The following DDX42 variants were observed in gnomAD, a reference collection of about 807,000 sequenced individuals.
DDX42 encodes ATP-dependent RNA helicase DDX42.
Under a neutral mutation model 101.5 loss-of-function variants are expected in DDX42, and 22 were observed. That is an observed-to-expected ratio of 0.22 (90% CI 0.15 to 0.31). The LOEUF (loss-of-function observed/expected upper bound fraction) is 0.31. Ranked by LOEUF, DDX42 falls within the 10% of genes least tolerant of loss-of-function variation. The probability of loss-of-function intolerance (pLI) is 1.00; values close to 1 mark genes in which losing one functional copy is unlikely to be tolerated. For synonymous variants in DDX42, 402 were observed against 401.2 expected, an observed-to-expected ratio of 1.00 and a Z score of -0.02; for missense variants, 849 against 1,199.9, an observed-to-expected ratio of 0.71 and a Z score of 4.32.
chr17:63,798,522 C>T (rs1260242181), intron 4 of DDX42, among the ~76,000 whole-genome samples: 1 of 152,132 alleles, frequency 6.6e-6, no homozygotes, highest in Non-Finnish European at 1.5e-5. Flanking sequence ...TTGAACAACA[C>T]AGGTTTGAAC....
Position 63,811,859 on chromosome 17 carries a change from T to C in DDX42, c.1399-73T>C, listed in dbSNP as rs572281754. On this transcript the variant is annotated intron_variant, in intron 13 of 17. Coordinates refer to ENST00000389924, the MANE Select transcript of DDX42 (RefSeq NM_203499.3). Reference sequence around the variant, plus strand: ...GGTCTTCTCGATGCAGGTAGAAATATAATGCCTAGTCCTTGTTCAGGTGCC... The same window carrying C: ...GGTCTTCTCGATGCAGGTAGAAATACAATGCCTAGTCCTTGTTCAGGTGCC... 25 of 1,594,874 alleles carry C rather than the reference T, an allele frequency of 1.6e-5. No homozygotes were observed. The African/African-American group carries it at 3.0e-4, about 19-fold the overall frequency.
chr17:63,781,608 C>T (rs2039488836), intron 1 of DDX42, among the ~76,000 whole-genome samples: 1 of 152,166 alleles, frequency 6.6e-6, no homozygotes, highest in East Asian at 1.9e-4. Context: ...TCTCCCCTTC[C>T]TTCTTTCCCC....
intron 1 of DDX42, among the ~76,000 whole-genome samples, chr17:63,783,245 A>G (rs2039509907): frequency 6.6e-6 from 1 of 152,194 alleles, no homozygotes. Context: ...ATGAATGCCT[A>G]GCACATCATA....
chr17:63,811,200 C>A, intron 13 of DDX42, 27 bp downstream of exon 13: 1 of 1,507,448 alleles, frequency 6.6e-7, no homozygotes, highest in Non-Finnish European at 9.1e-7. Context: ...CTGGATGGGA[C>A]CTTAATGGGT....
chr17:63,802,239 T>TA (rs1307155501), intron 6 of DDX42, among the ~76,000 whole-genome samples: 2 of 152,222 alleles, frequency 1.3e-5, no homozygotes, highest in Non-Finnish European at 2.9e-5. Flanking sequence ...TAAAAATTAT[T>TA]AAAGTCGTGA....
chr17:63,815,514 T>TGTTCTTTTCTCCC (rs760163876), intron 15 of DDX42, 49 bp from the exon 16 acceptor site: 3 of 1,401,872 alleles, frequency 2.1e-6, no homozygotes, highest in Admixed American at 3.5e-5. Context: ...TCTCTTCTTC[T>TGTTCTTTTCTCCC]GTTCTTTTCT....
At chr17:63,816,817 T>C in intron 16 of DDX42, 51 bp from the exon 17 acceptor site, 1 of 1,483,788 alleles carries the variant, frequency 6.7e-7, no homozygotes, top group Middle Eastern at 1.7e-4. Flanking sequence ...TCTATAGCAG[T>C]GAGCTTTCCT....
chr17:63,777,341 A>C (rs1290668869), intron 1 of DDX42, among the ~76,000 whole-genome samples: 1 of 152,228 alleles, frequency 6.6e-6, no homozygotes, highest in African/African-American at 2.4e-5. Context: ...TATTGAAAAC[A>C]TGCTATAAGA....
At chr17:63,780,864 A>G (rs2039479922) in intron 1 of DDX42, among the ~76,000 whole-genome samples, 1 of 152,152 alleles carries the variant, frequency 6.6e-6, no homozygotes, top group Non-Finnish European at 1.5e-5. Flanking sequence ...TTGGGGGAAG[A>G]GTGAGTTACT....
intron 6 of DDX42, 116 bp downstream of exon 6, chr17:63,800,733 G>C (rs2039752788): frequency 8.4e-6 from 11 of 1,310,662 alleles, no homozygotes; most frequent in Non-Finnish European, 1.0e-5. Flanking sequence ...TATGCATCTT[G>C]TCATCTCTAC....
chr17:63,804,635 T>A, intron 6 of DDX42, among the ~76,000 whole-genome samples: 1 of 152,224 alleles, frequency 6.6e-6, no homozygotes, highest in Non-Finnish European at 1.5e-5. Flanking sequence ...TTCCTTAGTC[T>A]GCTTCAATGT....
Position 63,813,262 on chromosome 17 carries a change from C to G in DDX42, c.1710C>G (p.Val570=). The change falls in exon 15 of 18, where the codon GTC becomes GTG. Residue 570 remains valine (V), a synonymous_variant. Coordinates refer to ENST00000389924, the MANE Select transcript of DDX42 (RefSeq NM_203499.3). ...RGLDIPSIKT[V]INYDVARDID... The stretch of plus-strand genomic sequence containing the variant: ...TGGACATTCCTTCAATTAAGACTGT[C>G]ATTAACTATGATGTGGCACGAGACA... The G allele has an allele frequency of 6.2e-7, 1 of 1,613,398 alleles. No individual in the cohort carries two copies. Among genetic ancestry groups the G allele is most frequent in the Non-Finnish European group, 8.5e-7 (1 of 1,179,440 alleles).
rs147954344 is a variant in DDX42, at chr17:63,781,009, T to A, written c.-16-6025T>A. On this transcript the variant is annotated intron_variant, in intron 1 of 17. Transcript: ENST00000389924. ...GCATATAAACATGCCTATGTTTCTT[T>A]AAAAAATAAAATTTCTGTAGGTAAT... Among the ~76,000 whole-genome samples, 807 of 152,288 alleles carry A rather than the reference T, an allele frequency of 5.3e-3. 5 individuals are homozygous for A. Among genetic ancestry groups the A allele is most frequent in the African/African-American group, 0.018 (736 of 41,546 alleles).
intron 6 of DDX42, among the ~76,000 whole-genome samples, chr17:63,802,287 A>G (rs2039780601): frequency 6.6e-6 from 1 of 152,240 alleles, no homozygotes; most frequent in African/African-American, 2.4e-5. Context: ...GTGTGATAAA[A>G]TGGGAAGTAC....
intron 1 of DDX42, among the ~76,000 whole-genome samples, chr17:63,778,703 C>T (rs1199438327): frequency 3.3e-5 from 5 of 151,736 alleles, no homozygotes; most frequent in Admixed American, 1.3e-4. Flanking sequence ...TGCAGTGGCA[C>T]GATCTCGGCT....
At chr17:63,788,977 C>T (rs974149703) in intron 2 of DDX42, among the ~76,000 whole-genome samples, 9 of 152,120 alleles carry the variant, frequency 5.9e-5, no homozygotes, top group African/African-American at 2.2e-4. Flanking sequence ...TCACTGCAGT[C>T]TCGACCTCCC....
intron 1 of DDX42, among the ~76,000 whole-genome samples, chr17:63,780,709 T>C (rs1209228035): frequency 6.6e-6 from 1 of 152,224 alleles, no homozygotes; most frequent in East Asian, 1.9e-4. Flanking sequence ...TGAGAGCCAG[T>C]AAGCAACCCT....
At chr17:63,776,494 A>G (rs1025824984) in intron 1 of DDX42, 5 of 152,254 alleles carry the variant, frequency 3.3e-5, no homozygotes, top group African/African-American at 9.6e-5. Context: ...GATAGTCTCA[A>G]TTTACCGATG....
At chr17:63,789,562 T>G (rs2039597848) in intron 2 of DDX42, among the ~76,000 whole-genome samples, 1 of 41,438 alleles carries the variant, frequency 2.4e-5, no homozygotes, top group African/African-American at 1.2e-4. Flanking sequence ...TGTTTTTGTT[T>G]TTGTTTTTGT....
Sources: gnomAD v4.1 joint callset for allele counts (sites outside exome capture counted in the v4.1 genomes callset) on GRCh38, gnomAD v4.1.1 for gene constraint, MANE v1.5 for transcripts, NCBI Gene and HGNC (gene_info 2026-07-23, HGNC 2026-07-21) for gene names.